Variants in ITGA9 observed in about 807,000 individuals in gnomAD.
ITGA9 encodes the protein integrin subunit alpha 9.
ITGA9 carries 56 observed loss-of-function variants against 127.8 expected under a neutral mutation model. The ratio of observed to expected loss-of-function variants is 0.44; its 90% confidence interval spans 0.35 to 0.55. ITGA9 has a LOEUF of 0.55. ITGA9 is among the 20% of genes least tolerant of loss of function. The pLI, the probability that ITGA9 is intolerant of heterozygous loss-of-function variation, is 0.00. For synonymous variants in ITGA9, 508 were observed against 514.5 expected (o/e 0.99, Z 0.17); for missense variants, 1,196 against 1,347.1 (o/e 0.89, Z 1.76).
At chr3:37,493,585 G>A (rs537070240) in intron 4 of ITGA9, among the ~76,000 whole-genome samples, 2 of 151,070 alleles carry the variant, frequency 1.3e-5, no homozygotes, top group Non-Finnish European at 2.9e-5. Context: ...AACCTTTGAT[G>A]GTCTACAGAA....
At chr3:37,785,662 C>T (rs1022108264) in intron 26 of ITGA9, among the ~76,000 whole-genome samples, 12 of 151,906 alleles carry the variant, frequency 7.9e-5, no homozygotes, top group Admixed American at 2.6e-4. Context: ...ATTTTTTTGT[C>T]GGGATAGGGT....
At chr3:37,723,869 G>A (rs1701217760) in intron 18 of ITGA9, among the ~76,000 whole-genome samples, 1 of 152,164 alleles carries the variant, frequency 6.6e-6, no homozygotes, top group South Asian at 2.1e-4. Flanking sequence ...GACTCACTAA[G>A]CAACCTTCTG....
At chr3:37,587,375 A>T (rs1288365440) in intron 15 of ITGA9, among the ~76,000 whole-genome samples, 37 of 152,318 alleles carry the variant, frequency 2.4e-4, no homozygotes, top group Non-Finnish European at 1.5e-5. Flanking sequence ...ATGAATTTCA[A>T]GCTTCTTGTT....
chr3:37,460,666 T>A lies in ITGA9; in HGVS notation c.185+8107T>A, dbSNP rs143120444. Among the ~76,000 whole-genome samples, 659 of 149,216 alleles carry A rather than the reference T, an allele frequency of 4.4e-3. 4 individuals carry two copies. Among genetic ancestry groups the A allele is most frequent in the African/African-American group, 0.015 (609 of 40,474 alleles). Reference sequence around the variant, plus strand: ...GTGCAGTGGTGCGATCTCGGCTCACTGCGAGCTCCACCTTCTGGGTTCACG... The same window carrying A: ...GTGCAGTGGTGCGATCTCGGCTCACAGCGAGCTCCACCTTCTGGGTTCACG... On this transcript the variant is annotated intron_variant, in intron 1 of 27. Transcript: ENST00000264741.
chr3:37,660,002 A>ACACACG (rs965801728), intron 17 of ITGA9, among the ~76,000 whole-genome samples: 1 of 149,178 alleles, frequency 6.7e-6, no homozygotes, highest in African/African-American at 2.6e-5. Flanking sequence ...ACACACACAC[A>ACACACG]CGCACACACA....
rs541081353 is a variant in ITGA9, at chr3:37,665,194, C to T, written c.1916+11404C>T. Among the ~76,000 whole-genome samples the T allele has an allele frequency of 5.6e-4, 85 of 151,540 alleles. No individual in the cohort carries two copies. The Middle Eastern group carries it at 0.01, about 18-fold the overall frequency. ...TTCACCATGTTGTCCAGGCTAGTCT[C>T]GAACTCCTGACCTCAGGTGATCCAC... On this transcript the variant is annotated intron_variant, in intron 17 of 27. Coordinates refer to ENST00000264741, the MANE Select transcript of ITGA9 (RefSeq NM_002207.3).
intron 17 of ITGA9, among the ~76,000 whole-genome samples, chr3:37,659,163 G>C (rs1420001035): frequency 6.6e-6 from 1 of 152,028 alleles, no homozygotes; most frequent in African/African-American, 2.4e-5. Flanking sequence ...TCTTGAGGTT[G>C]GTCTTCCTGA....
At chr3:37,636,587 G>C (rs1248336871) in intron 16 of ITGA9, among the ~76,000 whole-genome samples, 2 of 152,098 alleles carry the variant, frequency 1.3e-5, no homozygotes, top group Non-Finnish European at 2.9e-5. Context: ...TAGGTTGCCT[G>C]TTCACTCTGA....
At chr3:37,681,973 C>T (rs1014235144) in intron 17 of ITGA9, among the ~76,000 whole-genome samples, 1 of 152,190 alleles carries the variant, frequency 6.6e-6, no homozygotes, top group Non-Finnish European at 1.5e-5. Flanking sequence ...TTCAGCTCAC[C>T]TCCAGCCAGG....
intron 18 of ITGA9, among the ~76,000 whole-genome samples, chr3:37,714,458 G>C (rs149592039): frequency 2.0e-5 from 3 of 152,138 alleles, no homozygotes; most frequent in Admixed American, 6.5e-5. Context: ...CAGGGGCAAC[G>C]GGCCCTGCAG....
intron 17 of ITGA9, among the ~76,000 whole-genome samples, chr3:37,680,583 A>T (rs976721898): frequency 1.3e-5 from 2 of 152,210 alleles, no homozygotes; most frequent in African/African-American, 4.8e-5. Context: ...GAAGCTGATC[A>T]CATGAACAAC....
chr3:37,700,586 G>A (rs1276461669), intron 18 of ITGA9, among the ~76,000 whole-genome samples: 1 of 152,112 alleles, frequency 6.6e-6, no homozygotes, highest in African/African-American at 2.4e-5. Context: ...CTGAGCTCAA[G>A]TGATCCACCC....
intron 17 of ITGA9, among the ~76,000 whole-genome samples, chr3:37,683,224 C>T (rs1458505120): frequency 6.6e-6 from 1 of 152,184 alleles, no homozygotes; most frequent in Admixed American, 6.5e-5. Flanking sequence ...CACCTCAGGA[C>T]TTCTCCTTTG....
rs768744136 is a variant in ITGA9, at chr3:37,785,065, C to G, written c.2876C>G (p.Pro959Arg). ...GTGGTGGAAATAGCTCATGGGAACC[C>G]AGAAGAGGTGACGGTGAGTCAGCCA... ...LRVVEIAHGN[P>R]EEVTVVFEAL... The change falls in exon 26 of 28, where the codon CCA (proline) becomes CGA (arginine). Residue 959 changes from proline to arginine, a missense_variant. Pro to Arg is a moderately radical substitution (Grantham distance 103). Coordinates refer to ENST00000264741, the MANE Select transcript of ITGA9 (RefSeq NM_002207.3). The G allele has an allele frequency of 6.2e-7, 1 of 1,613,460 alleles. No homozygotes were observed. Among genetic ancestry groups the G allele is most frequent in the Non-Finnish European group, 8.5e-7 (1 of 1,179,418 alleles).
At chr3:37,651,003 TTACACTTTGAATTTC>T (rs1184039191) in intron 16 of ITGA9, among the ~76,000 whole-genome samples, 2 of 152,234 alleles carry the variant, frequency 1.3e-5, no homozygotes, top group African/African-American at 4.8e-5. Flanking sequence ...TAAAATAGGA[TTACACTTTGAATTTC>T]CTTATTTCTT....
At chr3:37,538,666 C>G (rs972529505) in intron 14 of ITGA9, among the ~76,000 whole-genome samples, 2 of 152,216 alleles carry the variant, frequency 1.3e-5, no homozygotes, top group Non-Finnish European at 2.9e-5. Flanking sequence ...TCCTCTGCTT[C>G]CCTTTCCACC....
chr3:37,571,084 C>T (rs1699596845), intron 15 of ITGA9, among the ~76,000 whole-genome samples: 1 of 152,202 alleles, frequency 6.6e-6, no homozygotes, highest in Non-Finnish European at 1.5e-5. Context: ...AATGAATAGT[C>T]CCTTATGGGA....
chr3:37,591,627 C>T (rs1007339834), intron 15 of ITGA9, among the ~76,000 whole-genome samples: 1 of 152,178 alleles, frequency 6.6e-6, no homozygotes, highest in Admixed American at 6.5e-5. Flanking sequence ...TCCAGACTTT[C>T]CTTGCACACA....
intron 1 of ITGA9, among the ~76,000 whole-genome samples, chr3:37,469,728 G>A (rs1698408312): frequency 6.6e-6 from 1 of 151,958 alleles, no homozygotes; most frequent in Non-Finnish European, 1.5e-5. Flanking sequence ...TTGTATTTGT[G>A]CAGTTCATCT....
Sources: gnomAD v4.1 joint callset for allele counts (sites outside exome capture counted in the v4.1 genomes callset) on GRCh38, gnomAD v4.1.1 for gene constraint, MANE v1.5 for transcripts, NCBI Gene and HGNC (gene_info 2026-07-23, HGNC 2026-07-21) for gene names.